RAB17: variants seen among roughly 807,000 people sequenced by gnomAD.
RAB17 encodes the protein ras-related protein Rab-17.
A neutral mutation model predicts 19.3 loss-of-function variants in RAB17; 15 were observed. The ratio of observed to expected loss-of-function variants is 0.78; its 90% CI spans 0.52 to 1.20. The LOEUF (loss-of-function observed/expected upper bound fraction) is 1.20. Ranked by LOEUF, RAB17 falls within the 50% of genes most tolerant of loss-of-function variation. RAB17 has a pLI of 0.00. For missense variants in RAB17, 262 were observed against 269.3 expected, an observed-to-expected ratio of 0.97 and a Z score of 0.19; for synonymous variants, 110 against 112.8, an observed-to-expected ratio of 0.97 and a Z score of 0.16.
chr2:237,582,134 T>A (rs763249473), intron 2 of RAB17, among the ~76,000 whole-genome samples: 16 of 152,262 alleles, frequency 1.1e-4, no homozygotes, highest in Non-Finnish European at 2.4e-4. Context: ...CTGCCTGCTC[T>A]TCTGGCTCCA....
intron 5 of RAB17, 90 bp from the exon 6 acceptor site, chr2:237,575,218 C>A: frequency 8.5e-7 from 1 of 1,172,302 alleles, no homozygotes. Context: ...GGACCCGCCC[C>A]TCCTGTGTTT....
chr2:237,574,360 T>C lies in RAB17; in HGVS notation c.*659A>G. On this transcript the variant is annotated 3_prime_UTR_variant, in exon 6 of 6. Transcript: ENST00000264601. ...GCAATTTAATTTTTGGAGGAAAAAC[T>C]GCATACGCAGTACAACTTATATCTC... 6.8e-7 allele frequency: 1 copy of C among 1,460,016 alleles called. No individual in the cohort carries two copies. The highest frequency in any genetic ancestry group is 9.0e-7 in the Non-Finnish European group (1 of 1,105,760). 90.4% of individuals were successfully genotyped at this position (1,460,016 alleles called of 1,614,324 possible). A position where few individuals can be genotyped will look rare whatever the true frequency, so the allele number is the denominator to read the frequency against.
chr2:237,574,389 C>A lies in RAB17; in HGVS notation c.*630G>T, dbSNP rs1040971536. On this transcript the variant is annotated 3_prime_UTR_variant, in exon 6 of 6. Coordinates refer to ENST00000264601, the MANE Select transcript of RAB17 (RefSeq NM_022449.4). The stretch of plus-strand genomic sequence containing the variant: ...TACGCAGTACAACTTATATCTCAGG[C>A]GAAATGTCTCAGAATCTTCCTGCTC... 3.3e-6 allele frequency: 5 copies of A among 1,525,372 alleles called. No homozygotes were observed. Among genetic ancestry groups the A allele is most frequent in the Admixed American group, 4.2e-5 (2 of 47,686 alleles). 94.5% of individuals were successfully genotyped at this position (1,525,372 alleles called of 1,614,324 possible).
intron 1 of RAB17, among the ~76,000 whole-genome samples, chr2:237,588,296 G>A (rs1233497263): frequency 1.3e-5 from 2 of 152,216 alleles, no homozygotes; most frequent in Non-Finnish European, 2.9e-5. Flanking sequence ...GGATGACACA[G>A]CAAGAAGGCC....
intron 4 of RAB17, chr2:237,576,583 CG>C: frequency 2.1e-6 from 1 of 471,248 alleles, no homozygotes; most frequent in South Asian, 1.5e-5. Flanking sequence ...TTGGGAGGCG[CG>C]CCCGTCGGTC....
intron 2 of RAB17, among the ~76,000 whole-genome samples, chr2:237,582,985 C>T (rs976924045): frequency 1.3e-5 from 2 of 152,190 alleles, no homozygotes. Flanking sequence ...ACCTGTAATC[C>T]CAGCCACTCG....
chr2:237,577,692 T>C (rs1439077043), intron 3 of RAB17: 3 of 471,260 alleles, frequency 6.4e-6, no homozygotes, highest in African/African-American at 5.8e-5. Flanking sequence ...CACGCCTAGC[T>C]GTCCTCAAAG....
rs994865186 is a variant in RAB17, at chr2:237,574,748, A to G, written c.*271T>C. 22 of 1,315,448 alleles carry G rather than the reference A, an allele frequency of 1.7e-5. No individual in the cohort carries two copies. Among genetic ancestry groups the G allele is most frequent in the Non-Finnish European group, 2.2e-5 (22 of 1,000,650 alleles). The allele number at this position is 1,315,448 out of a possible 1,614,324, so 81.5% of individuals were successfully genotyped here. ...CAGAGGCTGCCAGGCTGAGGGGGCC[A>G]CCGTCCAGGTGGAACAGGCACAGGC... On this transcript the variant is annotated 3_prime_UTR_variant, in exon 6 of 6. Transcript: ENST00000264601.
rs935832691 is a variant in RAB17 at position 237,574,836 on chromosome 2, G to A, written c.*183C>T. 2.3e-5 allele frequency: 19 copies of A among 818,852 alleles called. No homozygotes were observed. Among genetic ancestry groups the A allele is most frequent in the African/African-American group, 3.5e-5 (2 of 56,534 alleles). The allele number at this position is 818,852 out of a possible 1,614,324, so 50.7% of individuals were successfully genotyped here. ...AGCACTTTCCTGGGAGCCATGTGAC[G>A]CCAGATCTTCCTCTGGCAGTTCCCA... On this transcript the variant is annotated 3_prime_UTR_variant, in exon 6 of 6. Transcript: ENST00000264601.
At chr2:237,588,295 A>T (rs1360380398) in intron 1 of RAB17, among the ~76,000 whole-genome samples, 1 of 152,238 alleles carries the variant, frequency 6.6e-6, no homozygotes, top group Non-Finnish European at 1.5e-5. Context: ...GGGATGACAC[A>T]GCAAGAAGGC....
intron 2 of RAB17, among the ~76,000 whole-genome samples, chr2:237,584,064 T>C (rs1381954221): frequency 6.6e-6 from 1 of 151,738 alleles, no homozygotes; most frequent in Non-Finnish European, 1.5e-5. Context: ...GCTCGGACCC[T>C]GGCTTGCTGG....
rs538262032 is a variant in RAB17, at chr2:237,584,321, T to A, written c.157+1677A>T. ...CGGGCATCTCGGAATCTCTCAGCCC[T>A]GCTTGCGCTCACCTAGTGAGTGCCT... is the stretch of plus-strand genomic sequence containing the variant. On this transcript the variant is annotated intron_variant, in intron 2 of 5. Transcript: ENST00000264601. Among the ~76,000 whole-genome samples, 15 of 152,206 alleles carry A rather than the reference T, an allele frequency of 9.9e-5. No individual in the cohort carries two copies. The East Asian group carries it at 2.1e-3, about 22-fold the overall frequency.
chr2:237,584,719 A>C (rs2081334960), intron 2 of RAB17, among the ~76,000 whole-genome samples: 1 of 152,144 alleles, frequency 6.6e-6, no homozygotes. Flanking sequence ...AGCTCTCAAC[A>C]TCCAGGCCTG....
At chr2:237,584,618 T>C (rs879312820) in intron 2 of RAB17, among the ~76,000 whole-genome samples, 5 of 152,138 alleles carry the variant, frequency 3.3e-5, no homozygotes, top group Non-Finnish European at 7.4e-5. Flanking sequence ...CAGACCTCCG[T>C]GTCAGAGTGA....
At chr2:237,587,022 C>A (rs1393763321) in intron 1 of RAB17, among the ~76,000 whole-genome samples, 1 of 152,206 alleles carries the variant, frequency 6.6e-6, no homozygotes, top group Non-Finnish European at 1.5e-5. Flanking sequence ...TTGCTGATTA[C>A]ACCCCTGTGT....
At chr2:237,582,214 T>C (rs1273363770) in intron 2 of RAB17, among the ~76,000 whole-genome samples, 4 of 152,240 alleles carry the variant, frequency 2.6e-5, no homozygotes, top group African/African-American at 9.6e-5. Context: ...TCCTGCTTCC[T>C]CTGGATGGAC....
chr2:237,575,412 C>T lies in RAB17; in HGVS notation c.504G>A (p.Gln168=). Residue 168 remains glutamine, a synonymous_variant, in exon 5 of 6, where the codon CAG becomes CAA. Coordinates refer to ENST00000264601, the MANE Select transcript of RAB17 (RefSeq NM_022449.4). ...FMETSAKLNH[Q]VSEVFNTVAQ... is the part of the protein sequence containing the mutation. The stretch of plus-strand genomic sequence containing the variant: ...CCACTGTATTGAACACCTCCGACAC[C>T]TGGTGGTTCAGTTTGGCCGAAGTTT... 4 of 1,612,338 alleles carry T rather than the reference C, an allele frequency of 2.5e-6. No homozygotes were observed. Among genetic ancestry groups the T allele is most frequent in the Non-Finnish European group, 3.4e-6 (4 of 1,179,558 alleles).
chr2:237,587,374 C>T (rs1204142157), intron 1 of RAB17, among the ~76,000 whole-genome samples: 4 of 152,170 alleles, frequency 2.6e-5, no homozygotes, highest in Non-Finnish European at 5.9e-5. Flanking sequence ...CTTCTCCCTT[C>T]CTCACCACAG....
intron 2 of RAB17, among the ~76,000 whole-genome samples, chr2:237,581,933 G>A (rs907679269): frequency 6.6e-6 from 1 of 152,256 alleles, no homozygotes; most frequent in Admixed American, 6.5e-5. Flanking sequence ...AGTCAGCAGC[G>A]CACAGAATCT....
Sources: allele counts gnomAD v4.1 joint callset (sites outside exome capture counted in the v4.1 genomes callset), GRCh38; gene constraint gnomAD v4.1.1; transcripts MANE v1.5; gene names NCBI Gene and HGNC (gene_info 2026-07-23, HGNC 2026-07-21).